DRC11: variants seen among roughly 807,000 people sequenced by gnomAD.
The protein encoded by DRC11 is IQ and AAA domain-containing protein 1.
At chr2:236,459,600 CATAT>C in the DRC11 span, among the ~76,000 whole-genome samples, 2 of 102,634 alleles carry the variant, frequency 1.9e-5, no homozygotes, top group African/African-American at 7.0e-5. Context: ...TATACGTATA[CATAT>C]ATACGTATAT....
the DRC11 span, among the ~76,000 whole-genome samples, chr2:236,347,144 G>C: frequency 6.6e-6 from 1 of 152,204 alleles, no homozygotes; most frequent in South Asian, 2.1e-4. Flanking sequence ...CTGCAACCTA[G>C]AGCACGAGAC....
At chr2:236,476,889 C>T in the DRC11 span, among the ~76,000 whole-genome samples, 2 of 152,108 alleles carry the variant, frequency 1.3e-5, no homozygotes, top group African/African-American at 4.8e-5. This position sits in a 1 kb window ranked among gnomAD's most constrained non-coding sequence, Gnocchi z 4.7. Flanking sequence ...TTTCTTGATG[C>T]TCTCCCTCCA....
At chr2:236,352,443 C>T in the DRC11 span, among the ~76,000 whole-genome samples, 1 of 152,114 alleles carries the variant, frequency 6.6e-6, no homozygotes, top group South Asian at 2.1e-4. The surrounding 1 kb of genome is among the most constrained non-coding windows in gnomAD (Gnocchi z 7.0). Context: ...AAGGGCTCAT[C>T]TTCCTTGCAC....
the DRC11 span, among the ~76,000 whole-genome samples, chr2:236,374,955 C>T: frequency 6.6e-6 from 1 of 151,514 alleles, no homozygotes; most frequent in African/African-American, 2.4e-5. Flanking sequence ...TCCACCTTGG[C>T]CTCCCAAAGT....
the DRC11 span, among the ~76,000 whole-genome samples, chr2:236,357,129 CGT>C: frequency 0.013 from 1,241 of 96,580 alleles, 113 homozygotes; most frequent in Admixed American, 0.018. Context: ...ATTATATATT[CGT>C]ATATTATATA....
chr2:236,356,907 A>T, the DRC11 span, among the ~76,000 whole-genome samples: 12 of 127,192 alleles, frequency 9.4e-5, no homozygotes, highest in Middle Eastern at 4.2e-3. Flanking sequence ...ATGTATATTT[A>T]TATATTATAT....
chr2:236,341,235 T>C, the DRC11 span, among the ~76,000 whole-genome samples: 2 of 152,174 alleles, frequency 1.3e-5, no homozygotes, highest in Admixed American at 6.5e-5. Flanking sequence ...CTAGATGAAG[T>C]AACAAAGGGT....
the DRC11 span, among the ~76,000 whole-genome samples, chr2:236,355,903 C>G: frequency 4.6e-5 from 7 of 152,154 alleles, no homozygotes; most frequent in African/African-American, 1.4e-4. Context: ...GACACCTGGA[C>G]TAGCTGTCTA....
the DRC11 span, among the ~76,000 whole-genome samples, chr2:236,383,268 T>C: frequency 4.6e-5 from 7 of 152,208 alleles, no homozygotes; most frequent in Non-Finnish European, 8.8e-5. Context: ...CTTATGATCT[T>C]TTTCGTTTCT....
the DRC11 span, among the ~76,000 whole-genome samples, chr2:236,495,801 T>C: frequency 6.6e-6 from 1 of 152,150 alleles, no homozygotes; most frequent in Non-Finnish European, 1.5e-5. This position sits in a 1 kb window ranked among gnomAD's most constrained non-coding sequence, Gnocchi z 5.6. Flanking sequence ...TAGGAAACAC[T>C]GTTGACCGCC....
chr2:236,399,438 C>T, the DRC11 span: 1 of 1,614,012 alleles, frequency 6.2e-7, no homozygotes, highest in East Asian at 2.2e-5. This position sits in a 1 kb window ranked among gnomAD's most constrained non-coding sequence, Gnocchi z 7.0. Context: ...ATCCTTCCTT[C>T]ATTGCAGGAA....
chr2:236,403,312 G>GGA, the DRC11 span, among the ~76,000 whole-genome samples: 1 of 151,814 alleles, frequency 6.6e-6, no homozygotes, highest in East Asian at 1.9e-4. Context: ...TGGAGTGGCG[G>GGA]GAGAGAGAGA....
chr2:236,379,946 G>C, the DRC11 span, among the ~76,000 whole-genome samples: 1 of 152,282 alleles, frequency 6.6e-6, no homozygotes, highest in African/African-American at 2.4e-5. Flanking sequence ...CCATTAATAA[G>C]ACCTATGGGA....
At chr2:236,487,991 G>C in the DRC11 span, 1 of 1,561,010 alleles carries the variant, frequency 6.4e-7, no homozygotes, top group African/African-American at 1.4e-5. Context: ...AGGAGCCCTA[G>C]GTTTGCACCT....
chr2:236,348,504 T>G, the DRC11 span, among the ~76,000 whole-genome samples: 1 of 152,124 alleles, frequency 6.6e-6, no homozygotes, highest in Non-Finnish European at 1.5e-5. The surrounding 1 kb of genome is among the most constrained non-coding windows in gnomAD (Gnocchi z 7.4). Context: ...TGCTTGGAAG[T>G]TGGAGAAAAG....
chr2:236,370,755 C>T, the DRC11 span, among the ~76,000 whole-genome samples: 2 of 135,040 alleles, frequency 1.5e-5, no homozygotes, highest in Non-Finnish European at 3.1e-5. The surrounding 1 kb of genome is among the most constrained non-coding windows in gnomAD (Gnocchi z 5.5). Flanking sequence ...GGCACAGGGC[C>T]AGTTCTGGAG....
chr2:236,418,932 T>C, the DRC11 span, among the ~76,000 whole-genome samples: 1 of 152,236 alleles, frequency 6.6e-6, no homozygotes, highest in Non-Finnish European at 1.5e-5. Flanking sequence ...GAAATCACGA[T>C]TGATCCTAAT....
chr2:236,359,143 C>T, the DRC11 span, among the ~76,000 whole-genome samples: 2 of 151,996 alleles, frequency 1.3e-5, no homozygotes, highest in Non-Finnish European at 2.9e-5. The surrounding 1 kb of genome is among the most constrained non-coding windows in gnomAD (Gnocchi z 4.3). Flanking sequence ...GGATCTGGGT[C>T]GAGGGTCCTC....
At chr2:236,460,256 C>G in the DRC11 span, among the ~76,000 whole-genome samples, 3 of 152,200 alleles carry the variant, frequency 2.0e-5, no homozygotes, top group African/African-American at 7.2e-5. The surrounding 1 kb of genome is among the most constrained non-coding windows in gnomAD (Gnocchi z 4.0). Context: ...GGACTCCAAA[C>G]TGTCAGGTCA....
Sources: allele counts gnomAD v4.1 joint callset (sites outside exome capture counted in the v4.1 genomes callset), GRCh38; gene constraint gnomAD v4.1.1; non-coding constraint Gnocchi (gnomAD v3.1); transcripts MANE v1.5; gene names NCBI Gene and HGNC (gene_info 2026-07-23, HGNC 2026-07-21).